Variants in MACROD2 observed in about 807,000 individuals in gnomAD.
The protein encoded by MACROD2 is mono-ADP ribosylhydrolase 2, also known as ADP-ribose glycohydrolase MACROD2.
In MACROD2, 36 loss-of-function variants were observed where a neutral mutation model predicts 70.4. The ratio of observed to expected loss-of-function variants is 0.51; its 90% CI spans 0.39 to 0.68. The LOEUF is 0.68. Among genes scored for constraint, MACROD2 ranks in the 30% least tolerant of loss-of-function variants. The pLI, the probability that MACROD2 is intolerant of heterozygous loss-of-function variation, is 0.00. For missense variants in MACROD2, 496 were observed against 538.4 expected, an observed-to-expected ratio of 0.92 and a Z score of 0.78; for synonymous variants, 172 against 178.8, an observed-to-expected ratio of 0.96 and a Z score of 0.30.
At chr20:14,816,574 C>T (rs1568812884) in intron 5 of MACROD2, among the ~76,000 whole-genome samples, 1 of 151,990 alleles carries the variant, frequency 6.6e-6, no homozygotes, top group Non-Finnish European at 1.5e-5. Context: ...TAGAGCAGAA[C>T]CACTTTCATA....
intron 15 of MACROD2, among the ~76,000 whole-genome samples, chr20:16,026,253 C>A (rs759369814): frequency 3.3e-5 from 5 of 152,200 alleles, no homozygotes; most frequent in Non-Finnish European, 7.3e-5. Flanking sequence ...GAATGAGGTC[C>A]ATGCTACAGG....
intron 7 of MACROD2, among the ~76,000 whole-genome samples, chr20:15,474,429 A>G (rs1285306028): frequency 1.3e-5 from 2 of 152,188 alleles, no homozygotes; most frequent in Admixed American, 6.5e-5. Context: ...GCAAAAGATA[A>G]TGGACTAGAA....
chr20:14,597,454 T>A (rs1055166113), intron 4 of MACROD2, among the ~76,000 whole-genome samples: 2 of 152,190 alleles, frequency 1.3e-5, no homozygotes, highest in African/African-American at 4.8e-5. Context: ...AGTGTTTATT[T>A]AGTCCTCAAA....
rs192203048 is a variant in MACROD2 at position 14,801,542 on chromosome 20, A to G, written c.418+116583A>G. On this transcript the variant is annotated intron_variant, in intron 5 of 17. Transcript: ENST00000684519. ...CACACCAGGAGTTTTTTATACAGTA[A>G]TAGCTACAATGGCAATATATATTGA... 9.2e-5 allele frequency among the ~76,000 whole-genome samples: 14 copies of G among 152,154 alleles called. No homozygotes were observed. The East Asian group carries it at 2.3e-3, about 25-fold the overall frequency.
At chr20:15,715,468 T>C (rs549625385) in intron 8 of MACROD2, among the ~76,000 whole-genome samples, 1 of 152,304 alleles carries the variant, frequency 6.6e-6, no homozygotes, top group Non-Finnish European at 1.5e-5. Flanking sequence ...CACATCATTT[T>C]ATGTGTGTAT....
chr20:15,164,322 A>G (rs2076368449), intron 5 of MACROD2, among the ~76,000 whole-genome samples: 1 of 152,110 alleles, frequency 6.6e-6, no homozygotes, highest in African/African-American at 2.4e-5. Context: ...TGTGTACATT[A>G]TTTTCTAATA....
chr20:14,349,001 G>A (rs1272406981), intron 3 of MACROD2, among the ~76,000 whole-genome samples: 2 of 152,104 alleles, frequency 1.3e-5, no homozygotes, highest in East Asian at 3.9e-4. Context: ...TTAGGAGGTG[G>A]AGGTTACAGT....
intron 5 of MACROD2, among the ~76,000 whole-genome samples, chr20:15,078,707 TC>T (rs2075678957): frequency 8.9e-6 from 1 of 111,922 alleles, no homozygotes; most frequent in South Asian, 4.0e-4. Context: ...TCCTTCACTT[TC>T]TTTTTTTTTT....
chr20:15,033,348 G>A lies in MACROD2; in HGVS notation c.419-196592G>A, dbSNP rs189727469. Among the ~76,000 whole-genome samples, 10 of 152,178 alleles carry A rather than the reference G, an allele frequency of 6.6e-5. No homozygotes were observed. The East Asian group carries it at 1.2e-3, about 18-fold the overall frequency. ...AATCAGTCTCTTGCTATCCTTTCCC[G>A]TGGTGAGCTTTCAGCTGCCACACTT... On this transcript the variant is annotated intron_variant, in intron 5 of 17. Transcript: ENST00000684519.
At chr20:15,631,892 C>G (rs1207024701) in intron 8 of MACROD2, among the ~76,000 whole-genome samples, 2 of 152,184 alleles carry the variant, frequency 1.3e-5, no homozygotes, top group African/African-American at 2.4e-5. Flanking sequence ...AATCCCAGCA[C>G]TTTGGGAGGC....
intron 5 of MACROD2, among the ~76,000 whole-genome samples, chr20:15,045,522 C>T (rs921043504): frequency 6.6e-6 from 1 of 152,120 alleles, no homozygotes; most frequent in Non-Finnish European, 1.5e-5. Flanking sequence ...TATTGTGAAA[C>T]TTGGCTTTCT....
At chr20:15,234,005 ATATAT>A (rs2076986327) in intron 6 of MACROD2, among the ~76,000 whole-genome samples, 1 of 60,964 alleles carries the variant, frequency 1.6e-5, no homozygotes. Context: ...ATATATATAT[ATATAT>A]TCTTTTTTTT....
At chr20:15,512,219 G>A (rs1568859337) in intron 8 of MACROD2, among the ~76,000 whole-genome samples, 1 of 152,192 alleles carries the variant, frequency 6.6e-6, no homozygotes. Flanking sequence ...TGACCAATAA[G>A]TGAGTTTGAT....
At chr20:14,335,212 T>C (rs2082915219) in intron 3 of MACROD2, among the ~76,000 whole-genome samples, 1 of 152,200 alleles carries the variant, frequency 6.6e-6, no homozygotes, top group Non-Finnish European at 1.5e-5. Flanking sequence ...CTGATTATTG[T>C]ATTTTTCATC....
intron 8 of MACROD2, among the ~76,000 whole-genome samples, chr20:15,832,127 C>T (rs75492891): frequency 7.2e-6 from 1 of 139,518 alleles, no homozygotes; most frequent in Non-Finnish European, 1.5e-5. Context: ...AGTTCCAATA[C>T]TGAGAATATG....
chr20:14,606,067 G>T (rs1600446338), intron 4 of MACROD2, among the ~76,000 whole-genome samples: 2 of 152,126 alleles, frequency 1.3e-5, no homozygotes, highest in African/African-American at 4.8e-5. Context: ...TTTTAAAGTT[G>T]TAAAATAGAA....
intron 8 of MACROD2, among the ~76,000 whole-genome samples, chr20:15,762,801 A>G (rs547054708): frequency 3.0e-4 from 46 of 152,318 alleles, no homozygotes; most frequent in African/African-American, 1.1e-3. Context: ...CTACTAAACG[A>G]TCATTGCTAT....
chr20:14,920,157 A>G (rs2074144104), intron 5 of MACROD2, among the ~76,000 whole-genome samples: 1 of 152,148 alleles, frequency 6.6e-6, no homozygotes, highest in South Asian at 2.1e-4. Context: ...CTCAGTAACT[A>G]CTGGTACTGG....
intron 8 of MACROD2, among the ~76,000 whole-genome samples, chr20:15,582,996 C>T (rs1411542498): frequency 6.6e-6 from 1 of 151,418 alleles, no homozygotes; most frequent in African/African-American, 2.4e-5. Context: ...TCAGCTGAGT[C>T]GGGATGTTAA....
Sources: allele counts gnomAD v4.1 joint callset (sites outside exome capture counted in the v4.1 genomes callset), GRCh38; gene constraint gnomAD v4.1.1; transcripts MANE v1.5; gene names NCBI Gene and HGNC (gene_info 2026-07-23, HGNC 2026-07-21).